Variants in DIAPH2 observed in about 807,000 individuals in gnomAD.
DIAPH2 encodes diaphanous related formin 2.
A neutral mutation model predicts 92.7 loss-of-function variants in DIAPH2; 35 were observed. The observed-to-expected ratio is 0.38, with a 90% CI of 0.29 to 0.50. The LOEUF (loss-of-function observed/expected upper bound fraction) is 0.50, where lower values mean the gene tolerates loss of function less well. DIAPH2 is among the 20% of genes least tolerant of loss of function. The probability of loss-of-function intolerance (pLI) is 0.94; values close to 1 mark genes in which losing one functional copy is unlikely to be tolerated. For missense variants in DIAPH2, 701 were observed against 819.5 expected, an observed-to-expected ratio of 0.86 and a Z score of 1.77; for synonymous variants, 301 against 280.4, an observed-to-expected ratio of 1.07 and a Z score of -0.73.
intron 26 of DIAPH2, among the ~76,000 whole-genome samples, chrX:97,577,033 G>T (rs1254698424): frequency 9.0e-6 from 1 of 111,640 alleles, no homozygotes; most frequent in Non-Finnish European, 1.9e-5. Flanking sequence ...GTCATTGTCT[G>T]TTTTTTATGT....
chrX:97,578,079 A>C, intron 26 of DIAPH2, among the ~76,000 whole-genome samples: 1 of 69,195 alleles, frequency 1.4e-5, no homozygotes, highest in Non-Finnish European at 2.8e-5. Flanking sequence ...CTCTTTGAGA[A>C]AACTGTTTTC....
chrX:96,819,981 G>C (rs2064766622), intron 4 of DIAPH2, among the ~76,000 whole-genome samples: 1 of 111,351 alleles, frequency 9.0e-6, no homozygotes, highest in Non-Finnish European at 1.9e-5. Flanking sequence ...TAAAAGAAAA[G>C]ATTGTCTCTT....
intron 4 of DIAPH2, among the ~76,000 whole-genome samples, chrX:96,782,346 G>T (rs2064423863): frequency 9.0e-6 from 1 of 110,926 alleles, no homozygotes; most frequent in Non-Finnish European, 1.9e-5. Flanking sequence ...GGCTAGATGG[G>T]GTGCAGTGGC....
chrX:97,514,612 T>C (rs1312338795), intron 26 of DIAPH2, among the ~76,000 whole-genome samples: 2 of 111,558 alleles, frequency 1.8e-5, no homozygotes, highest in Non-Finnish European at 3.8e-5. Flanking sequence ...CCAGTTTTTC[T>C]GCTCTGTTTT....
intron 23 of DIAPH2, among the ~76,000 whole-genome samples, chrX:97,302,813 G>A (rs1234953244): frequency 1.8e-5 from 2 of 110,996 alleles, no homozygotes; most frequent in Admixed American, 9.6e-5. Context: ...GGTGAAACCC[G>A]TCTCTACCAA....
intron 26 of DIAPH2, among the ~76,000 whole-genome samples, chrX:97,512,007 G>T (rs1469709101): frequency 8.8e-6 from 1 of 113,648 alleles, no homozygotes; most frequent in East Asian, 2.7e-4. Context: ...TTGGTATCAG[G>T]ACGATGCTGG....
At position 97,162,922 on chromosome X, in the gene DIAPH2, CTGATA is replaced by C. The variant is rs763750083; in HGVS notation, c.2719+21130_2719+21134del. On this transcript the variant is annotated intron_variant, in intron 22 of 26. Transcript: ENST00000324765. ...TGAACATATTTAAAATATTGTTGTT[CTGATA>C]TTTATTGTTTCTAAGGTATGAATTT... 1.2e-4 allele frequency among the ~76,000 whole-genome samples: 13 copies of C among 110,550 alleles called. No individual in the cohort carries two copies. The East Asian group carries it at 3.7e-3, about 31-fold the overall frequency.
At chrX:97,263,856 G>A (rs1287832458) in intron 23 of DIAPH2, among the ~76,000 whole-genome samples, 3 of 109,736 alleles carry the variant, frequency 2.7e-5, no homozygotes, top group Non-Finnish European at 5.7e-5. Context: ...CAAAGTGCTA[G>A]GATTACCGGC....
At chrX:96,867,776 A>T (rs2065114805) in intron 4 of DIAPH2, among the ~76,000 whole-genome samples, 1 of 111,751 alleles carries the variant, frequency 8.9e-6, no homozygotes, top group Non-Finnish European at 1.9e-5. Flanking sequence ...ATATATACTA[A>T]TATAAACAAG....
intron 25 of DIAPH2, among the ~76,000 whole-genome samples, chrX:97,427,186 A>C (rs2147774999): frequency 9.0e-6 from 1 of 111,061 alleles, no homozygotes; most frequent in African/African-American, 3.3e-5. Context: ...TCAAAAAAAA[A>C]AAAATCAATT....
chrX:97,476,962 A>AT (rs1247701933), intron 26 of DIAPH2, among the ~76,000 whole-genome samples: 29 of 58,764 alleles, frequency 4.9e-4, no homozygotes, highest in African/African-American at 1.5e-3. Context: ...AAAAAAAAAA[A>AT]AAAAAAATAT....
intron 26 of DIAPH2, among the ~76,000 whole-genome samples, chrX:97,439,556 C>A (rs1315370946): frequency 9.4e-6 from 1 of 105,872 alleles, no homozygotes; most frequent in South Asian, 4.3e-4. Flanking sequence ...AGCGACAGGG[C>A]GAGACTCCGT....
rs183328262 is a variant in DIAPH2 at position 96,776,360 on chromosome X, G to A, written c.447+18102G>A. On this transcript the variant is annotated intron_variant, in intron 4 of 26. Transcript: ENST00000324765. The stretch of plus-strand genomic sequence containing the variant: ...TGAGTAGCTGGGACTACAGGTGTGC[G>A]CCACCACACCTGGCTAATTTTTGTA... Among the ~76,000 whole-genome samples, 834 of 109,576 alleles carry A rather than the reference G, an allele frequency of 7.6e-3. 5 individuals carry two copies. The highest frequency in any genetic ancestry group is 0.019 in the Middle Eastern group (4 of 213).
chrX:96,824,772 T>C (rs1195864351), intron 4 of DIAPH2, among the ~76,000 whole-genome samples: 1 of 111,402 alleles, frequency 9.0e-6, no homozygotes, highest in Non-Finnish European at 1.9e-5. Context: ...TGAGCATACA[T>C]CACCTATCAC....
At chrX:96,818,181 G>T (rs1404431125) in intron 4 of DIAPH2, among the ~76,000 whole-genome samples, 1 of 101,058 alleles carries the variant, frequency 9.9e-6, no homozygotes, top group Non-Finnish European at 2.0e-5. Flanking sequence ...GGGTTTCACC[G>T]TGTTGGCCGG....
chrX:97,333,450 A>G (rs965649772), intron 23 of DIAPH2, among the ~76,000 whole-genome samples: 1 of 111,352 alleles, frequency 9.0e-6, no homozygotes, highest in Admixed American at 9.6e-5. Context: ...CTCACACAAA[A>G]CATACTAAGA....
At chrX:97,540,229 T>A (rs1414007173) in intron 26 of DIAPH2, among the ~76,000 whole-genome samples, 1 of 111,889 alleles carries the variant, frequency 8.9e-6, no homozygotes, top group Non-Finnish European at 1.9e-5. Context: ...ACTGATAGGA[T>A]CTGAGTGAAA....
At chrX:97,030,759 A>AT (rs746106469) in intron 17 of DIAPH2, among the ~76,000 whole-genome samples, 8 of 111,544 alleles carry the variant, frequency 7.2e-5, no homozygotes, top group Non-Finnish European at 1.1e-4. Context: ...CATCAGTTTC[A>AT]TTTTTAAGTG....
chrX:97,036,189 T>C (rs1350225468), intron 17 of DIAPH2, among the ~76,000 whole-genome samples: 1 of 111,982 alleles, frequency 8.9e-6, no homozygotes, highest in Admixed American at 9.5e-5. Context: ...GAAATTAAGC[T>C]GATTTTTGCC....
Sources: allele counts gnomAD v4.1 joint callset (sites outside exome capture counted in the v4.1 genomes callset), GRCh38; gene constraint gnomAD v4.1.1; transcripts MANE v1.5; gene names NCBI Gene and HGNC (gene_info 2026-07-23, HGNC 2026-07-21).